The following ABCD2 variants were observed in gnomAD, a reference collection of about 807,000 sequenced individuals.
ABCD2 encodes ATP binding cassette subfamily D member 2.
ABCD2 carries 36 observed loss-of-function variants against 70.9 expected under a neutral mutation model. The observed-to-expected ratio is 0.51, with a 90% CI of 0.39 to 0.67. ABCD2 has a LOEUF of 0.67. ABCD2 is among the 30% of genes least tolerant of loss of function. The pLI, the probability that ABCD2 is intolerant of heterozygous loss-of-function variation, is 0.00. For missense variants in ABCD2, 729 were observed against 890.2 expected, an observed-to-expected ratio of 0.82 and a Z score of 2.30; for synonymous variants, 304 against 306.9, an observed-to-expected ratio of 0.99 and a Z score of 0.10.
chr12:39,557,373 T>G (rs1244639850), intron 9 of ABCD2, among the ~76,000 whole-genome samples: 2 of 152,140 alleles, frequency 1.3e-5, no homozygotes, highest in Non-Finnish European at 2.9e-5. Flanking sequence ...AAGTGTTCAG[T>G]TTTATGCTTC....
Position 39,619,196 on chromosome 12 carries a change from A to C in ABCD2, c.420T>G (p.Pro140=), listed in dbSNP as rs759207114. The C allele has an allele frequency of 6.2e-7, 1 of 1,614,190 alleles. No homozygotes were observed. The highest frequency in any genetic ancestry group is 1.1e-5 in the South Asian group (1 of 91,078). ...TGATTAATTTGATGATGAAAGTCCG[A>C]GGCTTCTTTTCCACAATGCTTTTCA... ...KIVKSIVEKK[P]RTFIIKLIKW... The change falls in exon 1 of 10, where the codon CCT becomes CCG. Residue 140 remains proline, a synonymous_variant. Transcript: ENST00000308666.
the ABCD2 span, among the ~76,000 whole-genome samples, chr12:39,543,682 C>G: frequency 1.3e-5 from 2 of 152,190 alleles, no homozygotes; most frequent in Non-Finnish European, 2.9e-5. Context: ...CAGCAACATG[C>G]CATCTGACGT....
intron 8 of ABCD2, among the ~76,000 whole-genome samples, chr12:39,577,457 C>T (rs988605508): frequency 7.2e-5 from 11 of 152,132 alleles, no homozygotes; most frequent in South Asian, 2.1e-4. Context: ...CAACATTCTA[C>T]GGGACAATTA....
intron 6 of ABCD2, among the ~76,000 whole-genome samples, chr12:39,594,395 G>A (rs1305572174): frequency 6.6e-6 from 1 of 152,088 alleles, no homozygotes; most frequent in African/African-American, 2.4e-5. Flanking sequence ...TTGACATATT[G>A]TTAATTACAA....
the ABCD2 span, among the ~76,000 whole-genome samples, chr12:39,542,842 G>A: frequency 6.6e-6 from 1 of 152,164 alleles, no homozygotes; most frequent in Non-Finnish European, 1.5e-5. Flanking sequence ...TCAGCTGTGA[G>A]AAAAGAAGGG....
intron 6 of ABCD2, 41 bp from the exon 7 acceptor site, chr12:39,586,338 A>G (rs370193033): frequency 4.9e-5 from 78 of 1,586,434 alleles, no homozygotes; most frequent in Non-Finnish European, 6.0e-5. Context: ...GTGGAAAGTC[A>G]TGATAACTTA....
chr12:39,561,891 C>G (rs1380038323), intron 9 of ABCD2, among the ~76,000 whole-genome samples: 1 of 152,126 alleles, frequency 6.6e-6, no homozygotes, highest in Non-Finnish European at 1.5e-5. Context: ...AATATACATT[C>G]TTCTCAACTA....
rs1334433674 is a variant in ABCD2 at position 39,551,610 on chromosome 12, T to C, written c.*2302A>G. The stretch of plus-strand genomic sequence containing the variant: ...CAGAAAACAAATAGGCACAAAAAGC[T>C]CATGGAAAACATGTGCATATTAGAA... On this transcript the variant is annotated 3_prime_UTR_variant, in exon 10 of 10. Coordinates refer to ENST00000308666, the MANE Select transcript of ABCD2 (RefSeq NM_005164.4). 1 of 151,746 alleles carries C rather than the reference T, an allele frequency of 6.6e-6. No individual in the cohort carries two copies. The highest frequency in any genetic ancestry group is 1.5e-5 in the Non-Finnish European group (1 of 67,706). The allele number at this position is 151,746 out of a possible 1,614,324, so 9.4% of individuals were successfully genotyped here.
At chr12:39,604,275 A>G (rs1443784949) in intron 4 of ABCD2, among the ~76,000 whole-genome samples, 1 of 152,068 alleles carries the variant, frequency 6.6e-6, no homozygotes, top group Non-Finnish European at 1.5e-5. Flanking sequence ...TAGCAAAGCT[A>G]TACAATCTGA....
intron 6 of ABCD2, among the ~76,000 whole-genome samples, chr12:39,586,722 A>G (rs559154670): frequency 3.9e-4 from 59 of 152,138 alleles, no homozygotes; most frequent in Non-Finnish European, 7.4e-4. Flanking sequence ...GCAGGGAAAT[A>G]TTGTATATAC....
chr12:39,559,444 G>A (rs1941220604), intron 9 of ABCD2, among the ~76,000 whole-genome samples: 2 of 140,054 alleles, frequency 1.4e-5, no homozygotes, highest in African/African-American at 5.2e-5. Flanking sequence ...AGTTAAGAAA[G>A]ATAAAGATTT....
chr12:39,604,562 G>T (rs1267647860), intron 4 of ABCD2, among the ~76,000 whole-genome samples, 200 bp downstream of exon 4: 1 of 151,972 alleles, frequency 6.6e-6, no homozygotes, highest in Non-Finnish European at 1.5e-5. Flanking sequence ...CTAAATAAAA[G>T]TAGCATAACA....
the ABCD2 span, among the ~76,000 whole-genome samples, chr12:39,534,689 A>AGGAAGGAAGGAC: frequency 1.0e-3 from 88 of 86,466 alleles, no homozygotes; most frequent in South Asian, 4.8e-3. Flanking sequence ...GAAGGAAGGA[A>AGGAAGGAAGGAC]GGAAGGAAGG....
chr12:39,538,557 C>G, the ABCD2 span, among the ~76,000 whole-genome samples: 2 of 152,128 alleles, frequency 1.3e-5, no homozygotes, highest in African/African-American at 4.8e-5. Context: ...CGCCAAGAAC[C>G]TGGACACCTT....
At position 39,573,861 on chromosome 12, in the gene ABCD2, A is replaced by C; in HGVS notation, c.1878-20T>G. ...TTTGGTCTTTTAAAAAGTACACACA[A>C]AAATTAATTATTTTGCTATATGAAC... is the stretch of plus-strand genomic sequence containing the variant. On this transcript the variant is annotated intron_variant, in intron 8 of 9. Transcript: ENST00000308666. 6.2e-7 allele frequency: 1 copy of C among 1,603,980 alleles called. No individual in the cohort carries two copies.
intron 6 of ABCD2, among the ~76,000 whole-genome samples, chr12:39,590,779 A>G (rs1419691538): frequency 6.6e-6 from 1 of 150,916 alleles, no homozygotes; most frequent in Non-Finnish European, 1.5e-5. Flanking sequence ...GGTAAAATGT[A>G]TTGATGTTTG....
chr12:39,603,063 A>T (rs1459067594), intron 5 of ABCD2, among the ~76,000 whole-genome samples: 1 of 152,124 alleles, frequency 6.6e-6, no homozygotes, highest in Non-Finnish European at 1.5e-5. Flanking sequence ...CTGACACAGG[A>T]TTTTACCCTG....
chr12:39,568,157 A>T (rs1436897443), intron 9 of ABCD2, among the ~76,000 whole-genome samples: 1 of 152,064 alleles, frequency 6.6e-6, no homozygotes, highest in Non-Finnish European at 1.5e-5. Context: ...TATTTCGTGA[A>T]TTTGAATGTT....
chr12:39,605,023 T>C, intron 3 of ABCD2, 93 bp from the exon 4 acceptor site: 2 of 1,026,266 alleles, frequency 1.9e-6, no homozygotes, highest in Non-Finnish European at 2.7e-6. Context: ...TGACTTAATG[T>C]AAAAGATTAT....
Sources: gnomAD v4.1 joint callset for allele counts (sites outside exome capture counted in the v4.1 genomes callset) on GRCh38, gnomAD v4.1.1 for gene constraint, MANE v1.5 for transcripts, NCBI Gene and HGNC (gene_info 2026-07-23, HGNC 2026-07-21) for gene names.